The following THRB variants were observed in gnomAD, a reference collection of about 807,000 sequenced individuals.
THRB encodes nuclear receptor subfamily 1 group A member 2.
A neutral mutation model predicts 47.8 loss-of-function variants in THRB; 12 were observed. That is an observed-to-expected ratio of 0.25 (90% CI 0.16 to 0.41). The LOEUF is 0.41. THRB is among the 10% of genes least tolerant of loss of function. The pLI is 1.00. For synonymous variants in THRB, 218 were observed against 212.2 expected, an observed-to-expected ratio of 1.03 and a Z score of -0.24; for missense variants, 348 against 589.2, an observed-to-expected ratio of 0.59 and a Z score of 4.24.
chr3:24,335,620 C>T lies in THRB; in HGVS notation c.-189+1680G>A, dbSNP rs562509749. ...CCCACGGTTCTATAAACATTTCCAT[C>T]ACTCTAGAAAATTCCCTCATGCCCC... On this transcript the variant is annotated intron_variant, in intron 2 of 10. Coordinates refer to ENST00000646209, the MANE Select transcript of THRB (RefSeq NM_001354712.2). Among the ~76,000 whole-genome samples the T allele has an allele frequency of 3.2e-4, 48 of 152,264 alleles. No individual in the cohort carries two copies. The South Asian group carries it at 7.1e-3, about 22-fold the overall frequency.
intron 1 of THRB, among the ~76,000 whole-genome samples, chr3:24,426,474 G>A (rs1446192359): frequency 6.6e-6 from 1 of 151,776 alleles, no homozygotes; most frequent in African/African-American, 2.4e-5. Flanking sequence ...AACCAATCTG[G>A]CTTTTGTTAG....
rs1456262347 is a variant in THRB at position 24,190,300 on chromosome 3, G to A, written c.57C>T (p.His19=). ...TCCAGTCGTGTTCTCGGTCTGGACA[G>A]TGCTTCGGTTTGTCCCAGGCTGTAA... ...NGLTAWDKPK[H]CPDREHDWKL... Residue 19 remains histidine, a synonymous_variant, in exon 5 of 11, where the codon CAC becomes CAT. Coordinates refer to ENST00000646209, the MANE Select transcript of THRB (RefSeq NM_001354712.2). The A allele has an allele frequency of 1.9e-6, 3 of 1,614,122 alleles. No individual in the cohort carries two copies. The highest frequency in any genetic ancestry group is 2.2e-5 in the East Asian group (1 of 44,886).
intron 3 of THRB, among the ~76,000 whole-genome samples, chr3:24,250,338 TA>T (rs1379609872): frequency 6.6e-6 from 1 of 152,182 alleles, no homozygotes; most frequent in East Asian, 1.9e-4. Context: ...CCATCTGCCT[TA>T]AAATTATTTA....
intron 1 of THRB, among the ~76,000 whole-genome samples, chr3:24,381,330 A>G (rs574582105): frequency 1.3e-5 from 2 of 152,238 alleles, no homozygotes; most frequent in African/African-American, 4.8e-5. Context: ...TCCAGGAGAG[A>G]AAAGCACTTC....
chr3:24,481,581 A>G (rs1479855898), intron 1 of THRB, among the ~76,000 whole-genome samples: 2 of 152,128 alleles, frequency 1.3e-5, no homozygotes, highest in Non-Finnish European at 2.9e-5. Flanking sequence ...TGGACACTGA[A>G]TAGTGAAGAA....
chr3:24,486,270 A>G (rs1209064003), intron 1 of THRB: 3 of 152,172 alleles, frequency 2.0e-5, no homozygotes, highest in Admixed American at 2.0e-4. Flanking sequence ...TCAAAACTCA[A>G]ATAGTACCTC....
intron 5 of THRB, among the ~76,000 whole-genome samples, chr3:24,176,706 G>C (rs1211757866): frequency 1.3e-5 from 2 of 152,038 alleles, no homozygotes; most frequent in Non-Finnish European, 1.5e-5. Flanking sequence ...ACAAGACCAC[G>C]TATTGTAGCA....
chr3:24,437,406 A>G (rs1299314820), intron 1 of THRB, among the ~76,000 whole-genome samples: 1 of 152,020 alleles, frequency 6.6e-6, no homozygotes, highest in Non-Finnish European at 1.5e-5. Context: ...GATGAAGAGA[A>G]GTTGGTTAAT....
chr3:24,155,183 G>A (rs771597024), intron 5 of THRB, among the ~76,000 whole-genome samples: 1 of 152,202 alleles, frequency 6.6e-6, no homozygotes. Flanking sequence ...AATTCAATCA[G>A]TGACTGGAAT....
At chr3:24,135,820 CATATATATATAT>C (rs34338818) in intron 8 of THRB, among the ~76,000 whole-genome samples, 1 of 98,488 alleles carries the variant, frequency 1.0e-5, no homozygotes, top group Admixed American at 1.1e-4. Flanking sequence ...GGCAGAGAGT[CATATATATATAT>C]ATATATATAT....
rs532543324 is a variant in THRB at position 24,299,976 on chromosome 3, T to C, written c.-188-2605A>G. On this transcript the variant is annotated intron_variant, in intron 2 of 10. Coordinates refer to ENST00000646209, the MANE Select transcript of THRB (RefSeq NM_001354712.2). ...CAACACTGACTCTCAATTCCTAGAC[T>C]AAATGGCATAAAATTTTTCTCACTT... Among the ~76,000 whole-genome samples the C allele has an allele frequency of 4.6e-5, 7 of 152,054 alleles. No homozygotes were observed. In the East Asian group the frequency reaches 1.4e-3, roughly 29 times the overall value.
chr3:24,236,598 A>AC (rs2048900994), intron 3 of THRB, among the ~76,000 whole-genome samples: 1 of 151,986 alleles, frequency 6.6e-6, no homozygotes, highest in South Asian at 2.1e-4. Context: ...TACAGAGCCC[A>AC]CCTCCCCAGA....
intron 1 of THRB, among the ~76,000 whole-genome samples, chr3:24,423,272 G>A (rs921724326): frequency 4.6e-5 from 7 of 151,830 alleles, no homozygotes; most frequent in Non-Finnish European, 7.4e-5. Flanking sequence ...AAGCCACTAA[G>A]TTTTGGGATG....
At chr3:24,280,727 C>G (rs1320375262) in intron 3 of THRB, among the ~76,000 whole-genome samples, 1 of 151,700 alleles carries the variant, frequency 6.6e-6, no homozygotes. Flanking sequence ...ATAACCAATA[C>G]AGAGAAGTGC....
intron 2 of THRB, among the ~76,000 whole-genome samples, chr3:24,319,881 T>C (rs2058368301): frequency 6.6e-6 from 1 of 152,208 alleles, no homozygotes; most frequent in Non-Finnish European, 1.5e-5. Context: ...CCAGTGGAAC[T>C]GGCATGGTTG....
chr3:24,158,709 C>T lies in THRB; in HGVS notation c.284-6219G>A, dbSNP rs143635217. ...CCTCCCAAGGTGCTGGGATTATAGG[C>T]GTGAGCCACTGCTCCCGGCCTGAGA... On this transcript the variant is annotated intron_variant, in intron 5 of 10. Transcript: ENST00000646209. 2.1e-3 allele frequency among the ~76,000 whole-genome samples: 318 copies of T among 152,300 alleles called. 2 individuals carry two copies. Among genetic ancestry groups the T allele is most frequent in the Non-Finnish European group, 2.4e-3 (162 of 68,022 alleles).
chr3:24,252,687 A>G (rs2050784657), intron 3 of THRB, among the ~76,000 whole-genome samples: 1 of 151,956 alleles, frequency 6.6e-6, no homozygotes, highest in Non-Finnish European at 1.5e-5. Flanking sequence ...TAAATAAACC[A>G]TCTGGGAATA....
intron 2 of THRB, among the ~76,000 whole-genome samples, chr3:24,332,511 T>C (rs2061989265): frequency 6.6e-6 from 1 of 152,234 alleles, no homozygotes; most frequent in Admixed American, 6.5e-5. Flanking sequence ...CTTTGATCTA[T>C]TGCTTCTCTT....
chr3:24,365,390 G>A (rs563066527), intron 1 of THRB, among the ~76,000 whole-genome samples: 1 of 152,256 alleles, frequency 6.6e-6, no homozygotes, highest in East Asian at 1.9e-4. Flanking sequence ...CGTGTCACTG[G>A]ACTTTATAAA....
Sources: gnomAD v4.1 joint callset for allele counts (sites outside exome capture counted in the v4.1 genomes callset) on GRCh38, gnomAD v4.1.1 for gene constraint, MANE v1.5 for transcripts, NCBI Gene and HGNC (gene_info 2026-07-23, HGNC 2026-07-21) for gene names.